Variants in RC3H2 observed in about 807,000 individuals in gnomAD.
The protein encoded by RC3H2 is roquin-2.
In RC3H2, 31 loss-of-function variants were observed where a neutral mutation model predicts 133.3. The observed-to-expected ratio is 0.23, with a 90% CI of 0.17 to 0.31. The LOEUF (loss-of-function observed/expected upper bound fraction) is 0.31, where lower values mean the gene tolerates loss of function less well. Among genes scored for constraint, RC3H2 ranks in the 10% least tolerant of loss-of-function variants. RC3H2 has a pLI of 1.00. For missense variants in RC3H2, 1,175 were observed against 1,437.2 expected, an observed-to-expected ratio of 0.82 and a Z score of 2.95; for synonymous variants, 517 against 502.2, an observed-to-expected ratio of 1.03 and a Z score of -0.40.
At chr9:122,896,107 A>G (rs1416282949) in intron 2 of RC3H2, among the ~76,000 whole-genome samples, 1 of 127,736 alleles carries the variant, frequency 7.8e-6, no homozygotes, top group African/African-American at 3.1e-5. Context: ...AACACTAACA[A>G]TAGCTGATGA....
At chr9:122,902,025 G>T (rs1330556632) in intron 1 of RC3H2, among the ~76,000 whole-genome samples, 2 of 146,594 alleles carry the variant, frequency 1.4e-5, no homozygotes, top group African/African-American at 2.5e-5. Context: ...CGTCTCCCGG[G>T]TTCAAGCGAT....
intron 11 of RC3H2, among the ~76,000 whole-genome samples, 165 bp downstream of exon 11, chr9:122,859,752 A>C (rs930359666): frequency 3.1e-4 from 47 of 152,232 alleles, no homozygotes; most frequent in African/African-American, 1.0e-3. Flanking sequence ...TGACAACCTT[A>C]AAGCTGTATT....
At chr9:122,900,286 T>C (rs1832606440) in intron 1 of RC3H2, among the ~76,000 whole-genome samples, 1 of 152,170 alleles carries the variant, frequency 6.6e-6, no homozygotes, top group South Asian at 2.1e-4. Flanking sequence ...AATTTTCTTC[T>C]CTGTGTCAGA....
At chr9:122,901,927 T>TC (rs1444520085) in intron 1 of RC3H2, among the ~76,000 whole-genome samples, 5 of 147,636 alleles carry the variant, frequency 3.4e-5, no homozygotes, top group African/African-American at 1.2e-4. Flanking sequence ...GATAACTACT[T>TC]CTTTTTTTTT....
At chr9:122,895,118 TACCTGTTGACCTATAGC>T (rs1412877533) in intron 2 of RC3H2, among the ~76,000 whole-genome samples, 1 of 151,630 alleles carries the variant, frequency 6.6e-6, no homozygotes, top group Non-Finnish European at 1.5e-5. Context: ...ATTAACACAA[TACCTGTTGACCTATAGC>T]AGATGCTAAA....
chr9:122,852,248 A>C (rs1171220028), intron 18 of RC3H2, among the ~76,000 whole-genome samples: 12 of 110,846 alleles, frequency 1.1e-4, no homozygotes, highest in African/African-American at 2.9e-4. Flanking sequence ...AAGTGAGGAG[A>C]CCCTCCGCCC....
chr9:122,855,924 T>C, intron 13 of RC3H2, 46 bp from the exon 14 acceptor site: 1 of 1,503,938 alleles, frequency 6.6e-7, no homozygotes. Context: ...GAAGCTTAAA[T>C]TTACAAGCTT....
chr9:122,869,050 T>C (rs1830931333), intron 9 of RC3H2, among the ~76,000 whole-genome samples: 2 of 151,854 alleles, frequency 1.3e-5, no homozygotes, highest in African/African-American at 4.8e-5. Flanking sequence ...TACAGGCACG[T>C]GCCTGCCACC....
In RC3H2 at chr9:122,855,135, G is replaced by T. The variant is rs542605390; in HGVS notation, c.2815+49C>A. ...CTCAATTAAAAAAAAAAAAAAAAAAGGCATAGTGCTTAGAACATATCAGGC... is the reference window on the plus strand; with the variant it reads ...CTCAATTAAAAAAAAAAAAAAAAAATGCATAGTGCTTAGAACATATCAGGC... On this transcript the variant is annotated intron_variant, in intron 15 of 20. Transcript: ENST00000357244. The T allele has an allele frequency of 2.0e-4, 235 of 1,173,234 alleles. 1 individual carries two copies. The South Asian group carries it at 3.1e-3, about 15-fold the overall frequency. 72.7% of individuals were successfully genotyped at this position (1,173,234 alleles called of 1,614,324 possible).
intron 1 of RC3H2, among the ~76,000 whole-genome samples, chr9:122,899,493 C>G (rs578059889): frequency 7.2e-5 from 11 of 152,332 alleles, no homozygotes; most frequent in African/African-American, 2.6e-4. Context: ...CTTTCTCAAA[C>G]AGCTCTAATG....
chr9:122,862,594 T>C (rs1830498486), intron 10 of RC3H2, among the ~76,000 whole-genome samples: 1 of 152,320 alleles, frequency 6.6e-6, no homozygotes, highest in Non-Finnish European at 1.5e-5. Flanking sequence ...TTTAGATTTA[T>C]TTTTTAAAAG....
chr9:122,894,413 G>C (rs1213847774), intron 2 of RC3H2, among the ~76,000 whole-genome samples: 1 of 152,132 alleles, frequency 6.6e-6, no homozygotes, highest in African/African-American at 2.4e-5. Flanking sequence ...GTGGAGAGGA[G>C]AAGAGGTAGC....
intron 2 of RC3H2, among the ~76,000 whole-genome samples, chr9:122,894,677 C>G (rs1328734999): frequency 6.6e-6 from 1 of 152,032 alleles, no homozygotes; most frequent in East Asian, 1.9e-4. Context: ...GTCAGGAGTT[C>G]GAGACCAGCC....
chr9:122,852,149 G>A (rs1173655229), intron 18 of RC3H2, among the ~76,000 whole-genome samples: 12 of 135,466 alleles, frequency 8.9e-5, no homozygotes, highest in South Asian at 2.5e-4. Flanking sequence ...CTGCCCCGCC[G>A]CCCTGTCTGG....
intron 4 of RC3H2, among the ~76,000 whole-genome samples, chr9:122,888,991 T>G (rs1832048869): frequency 6.6e-6 from 1 of 152,198 alleles, no homozygotes; most frequent in Admixed American, 6.5e-5. Flanking sequence ...TTTTCAGACT[T>G]TAAGATTCTG....
chr9:122,868,837 ATATGTGTGTGTGTGTGTGTGTGTGTGTG>A (rs1830894896), intron 9 of RC3H2, among the ~76,000 whole-genome samples: 1 of 122,874 alleles, frequency 8.1e-6, no homozygotes, highest in Non-Finnish European at 1.7e-5. Flanking sequence ...ATTCCCTCCT[ATATGTGTGTGTGTGTGTGTGTGTGTGTG>A]TGTGTGTGTG....
In RC3H2 at chr9:122,881,005, A is replaced by C. The variant is rs1315799850; in HGVS notation, c.760-211T>G. Among the ~76,000 whole-genome samples, 11 of 152,338 alleles carry C rather than the reference A, an allele frequency of 7.2e-5. No homozygotes were observed. In the South Asian group the frequency reaches 2.1e-3, roughly 29 times the overall value. On this transcript the variant is annotated intron_variant, in intron 5 of 20. Transcript: ENST00000357244. The stretch of plus-strand genomic sequence containing the variant: ...AAATACATAATCCTTGCCTTCAATG[A>C]TTTCAGCCACTAGTAAGAAAGAGAA...
Position 122,854,085 on chromosome 9 carries a change from G to C in RC3H2, c.2984C>G (p.Ala995Gly), listed in dbSNP as rs1564283351. Residue 995 changes from alanine (A) to glycine (G), a missense_variant and splice_region_variant, in exon 18 of 21, where the codon GCC (alanine) becomes GGC (glycine). Physicochemically the swap from Ala to Gly is moderately conservative, Grantham distance 60. This residue lies in a region of RC3H2 where 138 missense variants were observed against 215.0 expected (regional missense o/e 0.64). Coordinates refer to ENST00000357244, the MANE Select transcript of RC3H2 (RefSeq NM_001100588.3). Reference protein sequence around the residue: ...GDLLSLELQQAKSNSLLLQRE... With the variant: ...GDLLSLELQQGKSNSLLLQRE... ...CTGAAGAAGTAATGAGTTGCTCTTG[G>C]CCTATATGAGGAGGGAAAAAAAGAA... The C allele has an allele frequency of 6.2e-7, 1 of 1,613,426 alleles. No homozygotes were observed. Among genetic ancestry groups the C allele is most frequent in the Non-Finnish European group, 8.5e-7 (1 of 1,179,948 alleles).
chr9:122,856,001 ATAAC>A (rs1165371429), intron 13 of RC3H2, 123 bp from the exon 14 acceptor site: 21 of 656,274 alleles, frequency 3.2e-5, no homozygotes, highest in Non-Finnish European at 4.4e-5. Flanking sequence ...TACTTTTTCA[ATAAC>A]TAATATAAAA....
Sources: allele counts gnomAD v4.1 joint callset (sites outside exome capture counted in the v4.1 genomes callset), GRCh38; gene constraint gnomAD v4.1.1; regional missense constraint gnomAD v4.1.1; transcripts MANE v1.5; gene names NCBI Gene and HGNC (gene_info 2026-07-23, HGNC 2026-07-21).